RGS6: variants seen among roughly 807,000 people sequenced by gnomAD.
RGS6 encodes regulator of G-protein signaling 6.
In RGS6, 30 loss-of-function variants were observed where a neutral mutation model predicts 78.5. The ratio of observed to expected loss-of-function variants is 0.38; its 90% CI spans 0.29 to 0.52. The LOEUF (loss-of-function observed/expected upper bound fraction) is 0.52. Ranked by LOEUF, RGS6 falls within the 20% of genes least tolerant of loss-of-function variation. RGS6 has a pLI of 0.85. For missense variants in RGS6, 495 were observed against 609.7 expected (o/e 0.81, Z 1.98); for synonymous variants, 206 against 206.0 (o/e 1.00, Z 0.00).
intron 3 of RGS6, among the ~76,000 whole-genome samples, chr14:72,426,404 G>A (rs1319716017): frequency 1.3e-5 from 2 of 152,208 alleles, no homozygotes; most frequent in African/African-American, 4.8e-5. Context: ...TGACCATTAG[G>A]CCGTTGTTGG....
chr14:72,124,763 T>C (rs1445342611), intron 2 of RGS6, among the ~76,000 whole-genome samples: 1 of 152,188 alleles, frequency 6.6e-6, no homozygotes, highest in Non-Finnish European at 1.5e-5. Context: ...AGAGCTCTCT[T>C]TCTTGCTCAA....
intron 17 of RGS6, 198 bp downstream of exon 17, chr14:72,540,292 C>G: frequency 6.6e-7 from 1 of 1,506,824 alleles, no homozygotes. Flanking sequence ...CAAAAAAGAG[C>G]AAGCGGCTCC....
chr14:72,063,513 C>T (rs920686920), intron 2 of RGS6, among the ~76,000 whole-genome samples: 1 of 152,140 alleles, frequency 6.6e-6, no homozygotes, highest in East Asian at 1.9e-4. Context: ...ATAGGATATA[C>T]GTTTCTTGAG....
intron 2 of RGS6, among the ~76,000 whole-genome samples, chr14:71,968,658 TC>T (rs2093649368): frequency 6.6e-6 from 1 of 152,180 alleles, no homozygotes; most frequent in Admixed American, 6.5e-5. Flanking sequence ...CAGTTGCCTT[TC>T]TAGCACCCTA....
intron 2 of RGS6, among the ~76,000 whole-genome samples, chr14:72,126,851 A>T (rs564788937): frequency 9.8e-5 from 15 of 152,320 alleles, no homozygotes; most frequent in African/African-American, 3.6e-4. Flanking sequence ...AGTAATGCAC[A>T]AAATGGGTCC....
intron 2 of RGS6, among the ~76,000 whole-genome samples, chr14:71,968,629 G>A (rs1266465276): frequency 1.3e-5 from 2 of 152,102 alleles, no homozygotes; most frequent in Non-Finnish European, 2.9e-5. Flanking sequence ...TGGTGTCCAG[G>A]GAGCCTGGCC....
At position 72,042,309 on chromosome 14, in the gene RGS6, A is replaced by G. The variant is rs574938346; in HGVS notation, c.84+77434A>G. On this transcript the variant is annotated intron_variant, in intron 2 of 17. Transcript: ENST00000553525. ...TGCCTGGCTAATTTTTTGTATTTTT[A>G]GTAGAGATGGGGTTTCACCATGTTG... Among the ~76,000 whole-genome samples, 4 of 151,878 alleles carry G rather than the reference A, an allele frequency of 2.6e-5. No homozygotes were observed. The East Asian group carries it at 7.8e-4, about 30-fold the overall frequency.
intron 2 of RGS6, among the ~76,000 whole-genome samples, chr14:72,162,210 A>T (rs376308355): frequency 2.6e-5 from 4 of 152,306 alleles, no homozygotes; most frequent in African/African-American, 9.6e-5. Flanking sequence ...TATGAGGAAA[A>T]AAAGAAATGA....
chr14:71,937,887 T>C (rs901777302), intron 1 of RGS6, among the ~76,000 whole-genome samples: 35 of 152,202 alleles, frequency 2.3e-4, no homozygotes, highest in Non-Finnish European at 1.8e-4. Context: ...CCCTGAGGGA[T>C]AGTGCCATAT....
intron 2 of RGS6, among the ~76,000 whole-genome samples, chr14:72,064,642 A>G (rs980856620): frequency 9.2e-5 from 14 of 152,210 alleles, no homozygotes; most frequent in Non-Finnish European, 8.8e-5. Context: ...CGAGCAGGCT[A>G]GGATTGCAGC....
At chr14:72,434,083 C>T (rs1349545521) in intron 3 of RGS6, among the ~76,000 whole-genome samples, 4 of 152,222 alleles carry the variant, frequency 2.6e-5, no homozygotes, top group Non-Finnish European at 4.4e-5. Flanking sequence ...CATCTGTCAT[C>T]CCCAAACTTT....
chr14:71,882,395 AT>A, the RGS6 span, among the ~76,000 whole-genome samples: 1 of 152,236 alleles, frequency 6.6e-6, no homozygotes, highest in South Asian at 2.1e-4. Flanking sequence ...TTTGGCAATC[AT>A]GAATAGTGCT....
intron 3 of RGS6, among the ~76,000 whole-genome samples, chr14:72,419,526 T>G (rs1434354519): frequency 1.3e-5 from 2 of 152,206 alleles, no homozygotes; most frequent in African/African-American, 4.8e-5. Context: ...CATCAGTGTT[T>G]AAGTCGAGCC....
chr14:72,214,556 T>C (rs2045084472), intron 2 of RGS6, among the ~76,000 whole-genome samples: 1 of 152,236 alleles, frequency 6.6e-6, no homozygotes, highest in African/African-American at 2.4e-5. Context: ...CCCCAAGGCA[T>C]GCAAATGTTA....
At chr14:72,181,843 A>G (rs1223203961) in intron 2 of RGS6, among the ~76,000 whole-genome samples, 1 of 152,230 alleles carries the variant, frequency 6.6e-6, no homozygotes, top group African/African-American at 2.4e-5. Context: ...GCACATTAAA[A>G]TTAACTAGAG....
intron 2 of RGS6, among the ~76,000 whole-genome samples, chr14:72,329,860 C>G (rs1237933122): frequency 6.6e-6 from 1 of 152,100 alleles, no homozygotes; most frequent in Non-Finnish European, 1.5e-5. Context: ...TGAGAACTGC[C>G]GGGAGACATC....
the RGS6 span, among the ~76,000 whole-genome samples, chr14:71,904,351 C>G: frequency 6.6e-6 from 1 of 152,204 alleles, no homozygotes; most frequent in East Asian, 1.9e-4. Context: ...TCCTGAGACC[C>G]AAGTTACTCC....
chr14:72,093,141 T>C (rs1442829708), intron 2 of RGS6, among the ~76,000 whole-genome samples: 1 of 152,190 alleles, frequency 6.6e-6, no homozygotes, highest in Non-Finnish European at 1.5e-5. Flanking sequence ...TGTATATCCC[T>C]CTTGATCTCT....
At chr14:72,151,727 T>G (rs2096691086) in intron 2 of RGS6, among the ~76,000 whole-genome samples, 1 of 152,160 alleles carries the variant, frequency 6.6e-6, no homozygotes, top group Non-Finnish European at 1.5e-5. Context: ...AGTGTCTTGA[T>G]TTTTATTCTC....
Sources: gnomAD v4.1 joint callset for allele counts (sites outside exome capture counted in the v4.1 genomes callset) on GRCh38, gnomAD v4.1.1 for gene constraint, MANE v1.5 for transcripts, NCBI Gene and HGNC (gene_info 2026-07-23, HGNC 2026-07-21) for gene names.